RBFOX1: variants seen among roughly 807,000 people sequenced by gnomAD.
RBFOX1 encodes RNA binding fox-1 homolog 1.
Under a neutral mutation model 57.7 loss-of-function variants are expected in RBFOX1, and 8 were observed. The observed-to-expected ratio is 0.14, with a 90% CI of 0.08 to 0.25. RBFOX1 has a LOEUF of 0.25. Ranked by LOEUF, RBFOX1 falls within the 10% of genes least tolerant of loss-of-function variation. RBFOX1 has a pLI of 1.00. For synonymous variants in RBFOX1, 326 were observed against 222.4 expected (o/e 1.47, Z -4.15); for missense variants, 611 against 548.5 (o/e 1.11, Z -1.14).
chr16:7,409,070 A>G (rs2149031119), intron 4 of RBFOX1, among the ~76,000 whole-genome samples: 1 of 151,842 alleles, frequency 6.6e-6, no homozygotes, highest in East Asian at 1.9e-4. Flanking sequence ...ATTGCCTTGA[A>G]CTCCTCCAGC....
intron 4 of RBFOX1, among the ~76,000 whole-genome samples, chr16:7,459,607 C>CG (rs1378721922): frequency 6.6e-6 from 1 of 152,082 alleles, no homozygotes; most frequent in Admixed American, 6.5e-5. Context: ...CCTTATATTG[C>CG]GGGGGGACAG....
intron 3 of RBFOX1, among the ~76,000 whole-genome samples, chr16:6,863,346 A>G (rs999568928): frequency 8.5e-5 from 13 of 152,124 alleles, no homozygotes; most frequent in South Asian, 2.1e-4. Context: ...GTGGCTCACC[A>G]GGAGGGTGGT....
rs1034718541 is a variant in RBFOX1, at chr16:5,455,696, C to T, written c.220-11520C>T. Among the ~76,000 whole-genome samples, 2 of 152,198 alleles carry T rather than the reference C, an allele frequency of 1.3e-5. 1 individual carries two copies. The highest frequency in any genetic ancestry group is 2.9e-5 in the Non-Finnish European group (2 of 68,038). ...TATGATTTTCAGCAACATAGACAGG[C>T]AGCCCTTTAGCGGTCACTTTCATTC... On this transcript the variant is annotated intron_variant, in intron 1 of 2. Coordinates refer to the RBFOX1 transcript ENST00000585867.
intron 2 of RBFOX1, among the ~76,000 whole-genome samples, chr16:5,542,846 C>G (rs2045018005): frequency 6.6e-6 from 1 of 152,182 alleles, no homozygotes; most frequent in Non-Finnish European, 1.5e-5. Flanking sequence ...AATGTCCACT[C>G]AATGACCCGT....
intron 3 of RBFOX1, among the ~76,000 whole-genome samples, chr16:6,682,349 C>T (rs910944868): frequency 3.3e-5 from 5 of 152,094 alleles, no homozygotes; most frequent in Admixed American, 1.3e-4. Context: ...TGTGCTTGTA[C>T]CGCAGTTGCT....
chr16:6,600,718 C>T (rs911723524), intron 2 of RBFOX1, among the ~76,000 whole-genome samples: 6 of 152,010 alleles, frequency 3.9e-5, no homozygotes, highest in Non-Finnish European at 7.4e-5. Context: ...GAAACAGCCC[C>T]GTTATGAAAC....
intron 3 of RBFOX1, among the ~76,000 whole-genome samples, chr16:6,915,701 C>T (rs899819931): frequency 2.0e-5 from 3 of 151,892 alleles, no homozygotes; most frequent in Non-Finnish European, 4.4e-5. Context: ...CAGGTGCGCA[C>T]CACCATGCCT....
chr16:6,799,352 C>T (rs532869812), intron 3 of RBFOX1, among the ~76,000 whole-genome samples: 96 of 152,208 alleles, frequency 6.3e-4, no homozygotes, highest in South Asian at 4.2e-3. Flanking sequence ...AAAGTAATGG[C>T]AGTCTTTGTA....
intron 3 of RBFOX1, among the ~76,000 whole-genome samples, chr16:6,854,580 G>A (rs11645337): frequency 0.1 from 13,166 of 127,288 alleles, 793 homozygotes; most frequent in Non-Finnish European, 0.14. Flanking sequence ...CCAACTAGGA[G>A]AGGTGAATTT....
At chr16:6,873,394 A>G (rs940736132) in intron 3 of RBFOX1, among the ~76,000 whole-genome samples, 1 of 152,152 alleles carries the variant, frequency 6.6e-6, no homozygotes, top group African/African-American at 2.4e-5. Context: ...ATGTAAGCAG[A>G]ATGCAATTAA....
At chr16:6,282,918 C>A (rs938478940) in intron 1 of RBFOX1, among the ~76,000 whole-genome samples, 2 of 152,186 alleles carry the variant, frequency 1.3e-5, no homozygotes, top group Non-Finnish European at 2.9e-5. Context: ...ATCCTTACAA[C>A]CTACTCAGTT....
At chr16:5,811,766 A>C (rs1375821405) in intron 3 of RBFOX1, among the ~76,000 whole-genome samples, 1 of 152,156 alleles carries the variant, frequency 6.6e-6, no homozygotes, top group African/African-American at 2.4e-5. Context: ...ACTATTTTTA[A>C]GGCATTATTG....
Position 5,960,863 on chromosome 16 carries a change from C to T in RBFOX1, c.351+93528C>T, listed in dbSNP as rs564880549. ...ACAGGATTTCCTGGAACATGAAGATCAATGGTGTTGATAGGCTGTTGACAG... is the reference window on the plus strand; with the variant it reads ...ACAGGATTTCCTGGAACATGAAGATTAATGGTGTTGATAGGCTGTTGACAG... On this transcript the variant is annotated intron_variant, in intron 4 of 19. Coordinates refer to the RBFOX1 transcript ENST00000641259. 4.6e-5 allele frequency among the ~76,000 whole-genome samples: 7 copies of T among 152,274 alleles called. No individual in the cohort carries two copies. In the South Asian group the frequency reaches 1.5e-3, roughly 32 times the overall value.
chr16:7,058,560 G>T (rs1413991386), intron 4 of RBFOX1, among the ~76,000 whole-genome samples: 1 of 151,846 alleles, frequency 6.6e-6, no homozygotes, highest in African/African-American at 2.4e-5. Flanking sequence ...TCATTGCACA[G>T]ATTTCATAAG....
intron 3 of RBFOX1, among the ~76,000 whole-genome samples, chr16:6,697,930 C>T (rs2061296150): frequency 6.6e-6 from 1 of 152,102 alleles, no homozygotes; most frequent in Non-Finnish European, 1.5e-5. Context: ...TTTTTTAAAA[C>T]ATCTGTTCTA....
At position 6,399,518 on chromosome 16, in the gene RBFOX1, C is replaced by T. The variant is rs533159619; in HGVS notation, c.-64+82461C>T. 7.9e-4 allele frequency among the ~76,000 whole-genome samples: 120 copies of T among 152,234 alleles called. 1 individual carries two copies. Among genetic ancestry groups the T allele is most frequent in the Non-Finnish European group, 9.3e-4 (63 of 68,022 alleles). ...TCCTCATCTCCATCTGAGACCACCT[C>T]AGCCAGGACTTCATTGTCCATTTCA... On this transcript the variant is annotated intron_variant, in intron 2 of 15. Transcript: ENST00000550418.
At chr16:6,916,084 C>A (rs753014558) in intron 3 of RBFOX1, among the ~76,000 whole-genome samples, 8 of 152,094 alleles carry the variant, frequency 5.3e-5, no homozygotes, top group Admixed American at 1.3e-4. Context: ...GGCTTATATA[C>A]CTTAGGGAAA....
At chr16:5,944,742 CAA>C (rs2059358114) in intron 4 of RBFOX1, among the ~76,000 whole-genome samples, 1 of 138,038 alleles carries the variant, frequency 7.2e-6, no homozygotes, top group Non-Finnish European at 1.5e-5. Flanking sequence ...ATCACGAGGT[CAA>C]GAGATAGAGA....
At chr16:7,255,164 G>C (rs2094627895) in intron 4 of RBFOX1, among the ~76,000 whole-genome samples, 1 of 152,158 alleles carries the variant, frequency 6.6e-6, no homozygotes, top group African/African-American at 2.4e-5. Flanking sequence ...TAGAAAGATA[G>C]TTTCTATTTT....
Sources: allele counts gnomAD v4.1 joint callset (sites outside exome capture counted in the v4.1 genomes callset), GRCh38; gene constraint gnomAD v4.1.1; transcripts MANE v1.5; gene names NCBI Gene and HGNC (gene_info 2026-07-23, HGNC 2026-07-21).